MMRN1: variants seen among roughly 807,000 people sequenced by gnomAD.
MMRN1 encodes multimerin 1, also known as multimerin-1.
In MMRN1, 94 loss-of-function variants were observed where a neutral mutation model predicts 100.7. The observed-to-expected ratio is 0.93, with a 90% CI of 0.79 to 1.11. The LOEUF is 1.11. Among genes scored for constraint, MMRN1 ranks in the 50% least tolerant of loss-of-function variants. The probability of loss-of-function intolerance (pLI) is 0.00; values close to 1 mark genes in which losing one functional copy is unlikely to be tolerated. For missense variants in MMRN1, 1,606 were observed against 1,439.1 expected (o/e 1.12, Z -1.88); for synonymous variants, 575 against 505.0 (o/e 1.14, Z -1.86).
chr4:89,882,260 T>A (rs1259708687), intron 1 of MMRN1, among the ~76,000 whole-genome samples: 5 of 151,384 alleles, frequency 3.3e-5, no homozygotes, highest in African/African-American at 1.2e-4. Flanking sequence ...ATGTTCCTAA[T>A]ATTGAAACAT....
chr4:89,950,739 A>G (rs1306128548), intron 6 of MMRN1, among the ~76,000 whole-genome samples: 1 of 152,026 alleles, frequency 6.6e-6, no homozygotes, highest in African/African-American at 2.4e-5. Flanking sequence ...TATTTAAAAA[A>G]TTAGAGATGG....
At chr4:89,920,626 C>G (rs1034725018) in intron 3 of MMRN1, among the ~76,000 whole-genome samples, 2 of 151,876 alleles carry the variant, frequency 1.3e-5, no homozygotes, top group Non-Finnish European at 2.9e-5. Context: ...TTGTTATTAA[C>G]AGGAATGCTG....
chr4:89,932,509 G>A (rs1175023601), intron 5 of MMRN1, among the ~76,000 whole-genome samples: 1 of 152,180 alleles, frequency 6.6e-6, no homozygotes, highest in Non-Finnish European at 1.5e-5. Flanking sequence ...CACCACCCTA[G>A]CAGAGGTTCT....
At chr4:89,880,543 C>T (rs888553642) in intron 1 of MMRN1, among the ~76,000 whole-genome samples, 4 of 152,050 alleles carry the variant, frequency 2.6e-5, no homozygotes, top group Non-Finnish European at 4.4e-5. Flanking sequence ...ACATAGAAGG[C>T]TCTGTGGTGC....
intron 5 of MMRN1, among the ~76,000 whole-genome samples, chr4:89,932,352 T>C (rs1722467694): frequency 1.3e-5 from 2 of 152,190 alleles, no homozygotes; most frequent in South Asian, 4.1e-4. Context: ...TTTGAAGGTC[T>C]GTGGCTTTTT....
intron 6 of MMRN1, among the ~76,000 whole-genome samples, chr4:89,941,076 TTA>T (rs1489429662): frequency 6.6e-6 from 1 of 152,180 alleles, no homozygotes; most frequent in African/African-American, 2.4e-5. Flanking sequence ...TTTCTACTAT[TTA>T]TATGATTTTC....
chr4:89,882,754 A>G (rs936599776), intron 1 of MMRN1, among the ~76,000 whole-genome samples: 3 of 152,104 alleles, frequency 2.0e-5, no homozygotes, highest in African/African-American at 7.2e-5. Flanking sequence ...TTCACTTTAA[A>G]AACTTAATGT....
chr4:89,890,210 G>A (rs1241495739), upstream of MMRN1, among the ~76,000 whole-genome samples: 1 of 151,026 alleles, frequency 6.6e-6, no homozygotes, highest in African/African-American at 2.4e-5. Context: ...TGGCAAGGGT[G>A]GGTTCTTTTG....
intron 6 of MMRN1, among the ~76,000 whole-genome samples, chr4:89,938,320 A>T (rs1722710510): frequency 6.6e-6 from 1 of 151,156 alleles, no homozygotes. Context: ...ATCTCAATAT[A>T]AGATGTTCTT....
intron 1 of MMRN1, among the ~76,000 whole-genome samples, chr4:89,880,704 T>A (rs1461755592): frequency 6.6e-6 from 1 of 152,156 alleles, no homozygotes; most frequent in East Asian, 1.9e-4. Flanking sequence ...TCTCTCCTTT[T>A]TACCAATATC....
rs567826986 is a variant in MMRN1 at position 89,951,562 on chromosome 4, G to A, written c.3119-43G>A. 2.3e-5 allele frequency: 33 copies of A among 1,433,934 alleles called. No individual in the cohort carries two copies. The South Asian group carries it at 5.4e-4, about 23-fold the overall frequency. 88.8% of individuals were successfully genotyped at this position (1,433,934 alleles called of 1,614,324 possible). ...ACGATTTGAGATCAACAGGAAAATA[G>A]GTCACTTTATTCTCTTTTACCTTGA... is the stretch of plus-strand genomic sequence containing the variant. On this transcript the variant is annotated intron_variant, in intron 6 of 7. Coordinates refer to ENST00000264790, the MANE Select transcript of MMRN1 (RefSeq NM_007351.3).
intron 2 of MMRN1, among the ~76,000 whole-genome samples, chr4:89,910,213 A>T (rs1282897888): frequency 6.6e-6 from 1 of 151,420 alleles, no homozygotes; most frequent in African/African-American, 2.4e-5. Context: ...AGACCTAAGC[A>T]CATCTTAGGG....
chr4:89,881,994 C>A (rs979932269), intron 1 of MMRN1, among the ~76,000 whole-genome samples: 1 of 151,886 alleles, frequency 6.6e-6, no homozygotes, highest in Non-Finnish European at 1.5e-5. Context: ...TTGTCAGCAG[C>A]GGGGGTCTCT....
intron 5 of MMRN1, among the ~76,000 whole-genome samples, chr4:89,930,541 C>CT (rs58290676): frequency 0.19 from 29,444 of 151,784 alleles, 4,898 homozygotes; most frequent in African/African-American, 0.45. Flanking sequence ...TTTATTGTAC[C>CT]TTTCAATCTT....
Position 89,927,931 on chromosome 4 carries a change from C to T in MMRN1, c.1092C>T (p.Ser364=), listed in dbSNP as rs537246177. Residue 364 remains serine (S), a synonymous_variant, in exon 5 of 8, where the codon AGC becomes AGT. Coordinates refer to ENST00000264790, the MANE Select transcript of MMRN1 (RefSeq NM_007351.3). The stretch of plus-strand genomic sequence containing the variant: ...ACTCCTCCCTAGAAGGAAAAGTCAG[C>T]GAAGATAAAAGCAGAGAATTTCAAT... ...NTYSSLEGKV[S]EDKSREFQSL... 103 of 1,600,016 alleles carry T rather than the reference C, an allele frequency of 6.4e-5. No homozygotes were observed. The highest frequency in any genetic ancestry group is 4.4e-4 in the South Asian group (39 of 88,000).
At chr4:89,913,161 C>T (rs181897438) in intron 3 of MMRN1, among the ~76,000 whole-genome samples, 1 of 151,304 alleles carries the variant, frequency 6.6e-6, no homozygotes, top group African/African-American at 2.4e-5. Flanking sequence ...CAAATATATA[C>T]TCACAATGGT....
At chr4:89,917,632 T>C (rs1293734864) in intron 3 of MMRN1, among the ~76,000 whole-genome samples, 1 of 151,972 alleles carries the variant, frequency 6.6e-6, no homozygotes, top group African/African-American at 2.4e-5. Flanking sequence ...ACAAATTATA[T>C]TGATGTCGTC....
intron 6 of MMRN1, among the ~76,000 whole-genome samples, chr4:89,942,200 C>T (rs1386021552): frequency 9.2e-5 from 14 of 152,128 alleles, no homozygotes; most frequent in Non-Finnish European, 2.1e-4. Context: ...AAGCAAAAAT[C>T]ACAGGAGCTA....
At position 89,936,355 on chromosome 4, in the gene MMRN1, A is replaced by T; in HGVS notation, c.2675A>T (p.Gln892Leu). 1 of 1,612,296 alleles carries T rather than the reference A, an allele frequency of 6.2e-7. No homozygotes were observed. Among genetic ancestry groups the T allele is most frequent in the Non-Finnish European group, 8.5e-7 (1 of 1,179,422 alleles). ...AGTGTAGTTACAAATGAGAGAGATC[A>T]GGCTCTTCAACTGCAAGTATTAAAT... ...KGSVVTNERD[Q>L]ALQLQVLNSR... is the part of the protein sequence containing the mutation. The change falls in exon 6 of 8, where the codon CAG (glutamine) becomes CTG (leucine). Residue 892 changes from glutamine to leucine, a missense_variant. Physicochemically the swap from Gln to Leu is moderately radical, Grantham distance 113. Coordinates refer to ENST00000264790, the MANE Select transcript of MMRN1 (RefSeq NM_007351.3).
Sources: allele counts gnomAD v4.1 joint callset (sites outside exome capture counted in the v4.1 genomes callset), GRCh38; gene constraint gnomAD v4.1.1; transcripts MANE v1.5; gene names NCBI Gene and HGNC (gene_info 2026-07-23, HGNC 2026-07-21).